The following PTGIS variants were observed in gnomAD, a reference collection of about 807,000 sequenced individuals.
PTGIS encodes the protein prostacyclin synthase.
In PTGIS, 45 loss-of-function variants were observed where a neutral mutation model predicts 50.3. That is an observed-to-expected ratio of 0.90 (90% CI 0.70 to 1.15). The LOEUF (loss-of-function observed/expected upper bound fraction) is 1.15. PTGIS is among the 50% of genes most tolerant of loss of function. PTGIS has a pLI of 0.00. For missense variants in PTGIS, 668 were observed against 661.3 expected (o/e 1.01, Z -0.11); for synonymous variants, 260 against 267.7 (o/e 0.97, Z 0.28).
chr20:49,544,778 A>G (rs1401335908), intron 3 of PTGIS, among the ~76,000 whole-genome samples: 1 of 152,202 alleles, frequency 6.6e-6, no homozygotes, highest in Non-Finnish European at 1.5e-5. Context: ...AGCGGGACTG[A>G]AATCCTGGTC....
At chr20:49,548,513 T>C (rs1982423333) in intron 2 of PTGIS, among the ~76,000 whole-genome samples, 1 of 150,988 alleles carries the variant, frequency 6.6e-6, no homozygotes, top group African/African-American at 2.4e-5. Flanking sequence ...GAAGGAAGGA[T>C]GGATGGATAA....
At chr20:49,559,461 C>A (rs1982707920) in intron 1 of PTGIS, among the ~76,000 whole-genome samples, 1 of 152,162 alleles carries the variant, frequency 6.6e-6, no homozygotes, top group South Asian at 2.1e-4. Context: ...GCCTGAGATC[C>A]AAGAACCCTC....
intron 8 of PTGIS, among the ~76,000 whole-genome samples, 179 bp downstream of exon 8, chr20:49,512,901 G>T (rs1353695870): frequency 6.6e-6 from 1 of 152,168 alleles, no homozygotes; most frequent in African/African-American, 2.4e-5. Flanking sequence ...CATGAGGCAG[G>T]TGCTATTATG....
At chr20:49,535,485 G>T (rs1374202888) in intron 5 of PTGIS, among the ~76,000 whole-genome samples, 1 of 152,220 alleles carries the variant, frequency 6.6e-6, no homozygotes, top group Non-Finnish European at 1.5e-5. Context: ...AAACAGCCAT[G>T]TGAGGGCTAA....
intron 9 of PTGIS, among the ~76,000 whole-genome samples, chr20:49,508,783 G>A (rs966286575): frequency 2.0e-5 from 3 of 152,194 alleles, no homozygotes; most frequent in African/African-American, 4.8e-5. Flanking sequence ...TGGGAAAACT[G>A]TCATAATAAC....
In PTGIS at chr20:49,504,587, G is replaced by C. The variant is rs527345306; in HGVS notation, c.*3333C>G. On this transcript the variant is annotated 3_prime_UTR_variant, in exon 10 of 10. Coordinates refer to ENST00000244043, the MANE Select transcript of PTGIS (RefSeq NM_000961.4). ...TGTGCGCCTGTAATCTCAGCTACTT[G>C]GGAAGCTGAGGCAGAAGCATTGCTT... The C allele has an allele frequency of 2.0e-5, 3 of 152,044 alleles. No individual in the cohort carries two copies. The East Asian group carries it at 5.8e-4, about 29-fold the overall frequency. 9.4% of individuals were successfully genotyped at this position (152,044 alleles called of 1,614,324 possible).
intron 8 of PTGIS, 144 bp downstream of exon 8, chr20:49,512,936 C>G: frequency 1.0e-6 from 1 of 964,754 alleles, no homozygotes. Flanking sequence ...GGTGAGGAAG[C>G]AAACACAGAG....
At chr20:49,528,638 T>A (rs548675042) in intron 5 of PTGIS, among the ~76,000 whole-genome samples, 193 of 151,816 alleles carry the variant, frequency 1.3e-3, no homozygotes, top group African/African-American at 2.7e-3. Context: ...ACAAAAAAAA[T>A]ATATATATAG....
chr20:49,559,678 C>T (rs532762102), intron 1 of PTGIS, among the ~76,000 whole-genome samples: 1 of 152,206 alleles, frequency 6.6e-6, no homozygotes, highest in African/African-American at 2.4e-5. Context: ...ACATTAAGCC[C>T]AGTGAAAGAA....
chr20:49,514,822 C>G (rs975733000), intron 6 of PTGIS, among the ~76,000 whole-genome samples: 1 of 152,180 alleles, frequency 6.6e-6, no homozygotes, highest in African/African-American at 2.4e-5. Context: ...AGAGCCAGAG[C>G]GTATTTCCCC....
intron 1 of PTGIS, among the ~76,000 whole-genome samples, chr20:49,561,829 G>A (rs548462830): frequency 6.6e-6 from 1 of 152,346 alleles, no homozygotes; most frequent in South Asian, 2.1e-4. Context: ...CAGCTGAGAA[G>A]CAGGAGCAGT....
chr20:49,557,128 A>T (rs1421608869), intron 1 of PTGIS, among the ~76,000 whole-genome samples: 1 of 149,864 alleles, frequency 6.7e-6, no homozygotes, highest in African/African-American at 2.5e-5. Context: ...TTTCTCTCTT[A>T]TTTTCTTTGT....
At position 49,547,973 on chromosome 20, in the gene PTGIS, G is replaced by C; in HGVS notation, c.245C>G (p.Ser82Cys). 1 of 1,614,148 alleles carries C rather than the reference G, an allele frequency of 6.2e-7. No homozygotes were observed. The highest frequency in any genetic ancestry group is 8.5e-7 in the Non-Finnish European group (1 of 1,180,026). The change falls in exon 3 of 10, where the codon TCC (serine) becomes TGC (cysteine). Residue 82 changes from serine (S) to cysteine (C), a missense_variant. Physicochemically the swap from Ser to Cys is moderately radical, Grantham distance 112. Coordinates refer to ENST00000244043, the MANE Select transcript of PTGIS (RefSeq NM_000961.4). ...RYVTVLLDPH[S>C]YDAVVWEPRT... is the part of the protein sequence containing the mutation. ...AGGCTCCCACACCACCGCGTCGTAGGAGTGTGGGTCCAGGAGAACGGTGAC... is the reference window on the plus strand; with the variant it reads ...AGGCTCCCACACCACCGCGTCGTAGCAGTGTGGGTCCAGGAGAACGGTGAC...
At chr20:49,560,301 G>T (rs1288024688) in intron 1 of PTGIS, among the ~76,000 whole-genome samples, 2 of 152,028 alleles carry the variant, frequency 1.3e-5, no homozygotes, top group African/African-American at 4.8e-5. Context: ...TTGGACTCAC[G>T]CAATCCTCCA....
At chr20:49,543,010 C>T (rs901312980) in intron 4 of PTGIS, among the ~76,000 whole-genome samples, 9 of 152,176 alleles carry the variant, frequency 5.9e-5, no homozygotes, top group African/African-American at 2.2e-4. Flanking sequence ...TATGTGTCAA[C>T]GAATGACTGC....
At chr20:49,526,119 G>A (rs763850293) in intron 5 of PTGIS, among the ~76,000 whole-genome samples, 22 of 152,048 alleles carry the variant, frequency 1.4e-4, no homozygotes, top group Non-Finnish European at 2.8e-4. Flanking sequence ...AATTACCTGG[G>A]AGCTCTTAAA....
chr20:49,517,004 A>G (rs1568670171), intron 6 of PTGIS, among the ~76,000 whole-genome samples: 2 of 152,150 alleles, frequency 1.3e-5, no homozygotes, highest in African/African-American at 4.8e-5. Flanking sequence ...ACTGGGGGTA[A>G]CATTGCCACC....
At chr20:49,532,674 CTTCT>C (rs967823513) in intron 5 of PTGIS, among the ~76,000 whole-genome samples, 1 of 152,214 alleles carries the variant, frequency 6.6e-6, no homozygotes, top group Non-Finnish European at 1.5e-5. Context: ...TCATGAATTG[CTTCT>C]TTAATTAAGA....
chr20:49,559,132 T>C (rs1319572576), intron 1 of PTGIS, among the ~76,000 whole-genome samples: 1 of 152,196 alleles, frequency 6.6e-6, no homozygotes, highest in African/African-American at 2.4e-5. Context: ...GGAAACATCC[T>C]GCTGTCCCGA....
Sources: gnomAD v4.1 joint callset for allele counts (sites outside exome capture counted in the v4.1 genomes callset) on GRCh38, gnomAD v4.1.1 for gene constraint, MANE v1.5 for transcripts, NCBI Gene and HGNC (gene_info 2026-07-23, HGNC 2026-07-21) for gene names.